The following LMAN1 variants were observed in gnomAD, a reference collection of about 807,000 sequenced individuals.
The protein encoded by LMAN1 is protein ERGIC-53.
Under a neutral mutation model 67.8 loss-of-function variants are expected in LMAN1, and 32 were observed. That is an observed-to-expected ratio of 0.47 (90% CI 0.36 to 0.63). The LOEUF (loss-of-function observed/expected upper bound fraction) is 0.63, where lower values mean the gene tolerates loss of function less well. Among genes scored for constraint, LMAN1 ranks in the 30% least tolerant of loss-of-function variants. The probability of loss-of-function intolerance (pLI) is 0.00; values close to 1 mark genes in which losing one functional copy is unlikely to be tolerated. For missense variants in LMAN1, 632 were observed against 628.2 expected (o/e 1.01, Z -0.06); for synonymous variants, 235 against 219.3 (o/e 1.07, Z -0.63).
At chr18:59,331,227 A>G in intron 12 of LMAN1, 98 bp from the exon 13 acceptor site, 1 of 1,123,890 alleles carries the variant, frequency 8.9e-7, no homozygotes, top group South Asian at 1.3e-5. Flanking sequence ...TGCCTTTTGA[A>G]GTATACAACG....
chr18:59,333,346 T>G, intron 10 of LMAN1, 102 bp from the exon 11 acceptor site: 2 of 808,404 alleles, frequency 2.5e-6, no homozygotes, highest in Non-Finnish European at 3.9e-6. Context: ...ATATATTACA[T>G]CATTTAAAAA....
At chr18:59,337,581 G>A (rs934005320) in intron 10 of LMAN1, among the ~76,000 whole-genome samples, 3 of 152,058 alleles carry the variant, frequency 2.0e-5, no homozygotes, top group East Asian at 1.9e-4. Flanking sequence ...AAATTAGATC[G>A]AAATAAAAAG....
intron 7 of LMAN1, among the ~76,000 whole-genome samples, chr18:59,346,952 C>G (rs375146159): frequency 6.6e-6 from 1 of 151,616 alleles, no homozygotes; most frequent in South Asian, 2.1e-4. Flanking sequence ...GAAGCGTGGC[C>G]GAGCGTGGTG....
In LMAN1 at chr18:59,338,792, T is replaced by C; in HGVS notation, c.1117A>G (p.Arg373Gly). The change falls in exon 9 of 13, where the codon AGA becomes GGA. Residue 373 changes from arginine (R) to glycine (G), a missense_variant. By Grantham distance (125) the Arg-to-Gly change is moderately radical. Coordinates refer to ENST00000251047, the MANE Select transcript of LMAN1 (RefSeq NM_005570.4). Reference protein sequence around the residue: ...VSSLTEEISKRGAGMPGQHGQ... With the variant: ...VSSLTEEISKGGAGMPGQHGQ... ...TGCTGCCCAGGCATTCCTGCTCCTCTTTTAGAGATTTCCTCTGTTAAGGAA... is the reference window on the plus strand; with the variant it reads ...TGCTGCCCAGGCATTCCTGCTCCTCCTTTAGAGATTTCCTCTGTTAAGGAA... The C allele has an allele frequency of 1.2e-6, 2 of 1,614,114 alleles. No homozygotes were observed. Among genetic ancestry groups the C allele is most frequent in the Non-Finnish European group, 1.7e-6 (2 of 1,180,008 alleles).
In LMAN1 at chr18:59,355,336, CA is replaced by C. The variant is rs1568118597; in HGVS notation, c.453del (p.Phe151LeufsTer15). On this transcript the variant is annotated frameshift_variant, in exon 3 of 13. Transcript: ENST00000251047. LOFTEE classifies it high-confidence loss of function. ...ADLWNGVGIF[F>X]DSFDNDGKKN... is the part of the protein sequence containing the mutation. ...ACCTTTCCATCATTGTCAAAAGAAT[CA>C]AAAAATATTCCAACACCATTCCACA... 6.2e-7 allele frequency: 1 copy of C among 1,613,360 alleles called. No homozygotes were observed. The highest frequency in any genetic ancestry group is 2.2e-5 in the East Asian group (1 of 44,862).
At chr18:59,337,488 A>T (rs1303378799) in intron 10 of LMAN1, among the ~76,000 whole-genome samples, 2 of 152,196 alleles carry the variant, frequency 1.3e-5, no homozygotes, top group East Asian at 3.8e-4. Context: ...CTGACAATTA[A>T]ACCATGGTTA....
At position 59,347,527 on chromosome 18, in the gene LMAN1, G is replaced by C. The variant is rs746587316; in HGVS notation, c.808C>G (p.Pro270Ala). The change falls in exon 7 of 13, where the codon CCT becomes GCT. Residue 270 changes from proline (P) to alanine (A), a missense_variant. Coordinates refer to ENST00000251047, the MANE Select transcript of LMAN1 (RefSeq NM_005570.4). ...LSFLTFQLTE[P>A]GKEPPTPDKE... ...TGTAAAATTACCGGCTCTTTTCCAG[G>C]TTCAGTCAACTGGAAAGTCAGAAAA... 2.5e-6 allele frequency: 4 copies of C among 1,609,416 alleles called. No homozygotes were observed. In the South Asian group the frequency reaches 4.4e-5, roughly 18 times the overall value.
intron 4 of LMAN1, among the ~76,000 whole-genome samples, chr18:59,354,060 G>A (rs1268347877): frequency 1.3e-5 from 2 of 152,200 alleles, no homozygotes; most frequent in South Asian, 4.1e-4. Flanking sequence ...AATACAGAGG[G>A]TTGACTGTAC....
In LMAN1 at chr18:59,330,978, GTTAT is replaced by G. The variant is rs974121563; in HGVS notation, c.*111_*114del. 2.1e-4 allele frequency: 158 copies of G among 736,052 alleles called. No individual in the cohort carries two copies. The African/African-American group carries it at 2.4e-3, about 11-fold the overall frequency. 45.6% of individuals were successfully genotyped at this position (736,052 alleles called of 1,614,324 possible). A position where few individuals can be genotyped will look rare whatever the true frequency, so the allele number is the denominator to read the frequency against. ...TTAACTGCAAATCAATGTTTAAACA[GTTAT>G]TTTATTAAGAAAATTAATAATTTAG... is the stretch of plus-strand genomic sequence containing the variant. On this transcript the variant is annotated 3_prime_UTR_variant, in exon 13 of 13. Transcript: ENST00000251047.
At position 59,329,931 on chromosome 18, in the gene LMAN1, T is replaced by C. The variant is rs1421722474; in HGVS notation, c.*1162A>G. On this transcript the variant is annotated 3_prime_UTR_variant, in exon 13 of 13. Transcript: ENST00000251047. ...TAAATTTGCATCTTAAAATGTCATT[T>C]ACAGACTGTTTCTGTAATACCTAGA... 1 of 152,212 alleles carries C rather than the reference T, an allele frequency of 6.6e-6. No homozygotes were observed. The highest frequency in any genetic ancestry group is 1.5e-5 in the Non-Finnish European group (1 of 68,012). The allele number at this position is 152,212 out of a possible 1,614,324, so 9.4% of individuals were successfully genotyped here. A position where few individuals can be genotyped will look rare whatever the true frequency, so the allele number is the denominator to read the frequency against.
At chr18:59,349,431 G>GT (rs1037501685) in intron 5 of LMAN1, among the ~76,000 whole-genome samples, 195 bp from the exon 6 acceptor site, 9 of 152,066 alleles carry the variant, frequency 5.9e-5, no homozygotes, top group South Asian at 2.1e-4. Flanking sequence ...TGTGTCAAAA[G>GT]TTTAAAGAGA....
chr18:59,344,954 C>A (rs1184551685), intron 8 of LMAN1, among the ~76,000 whole-genome samples: 1 of 152,108 alleles, frequency 6.6e-6, no homozygotes, highest in Admixed American at 6.5e-5. Flanking sequence ...CATGAGGGAA[C>A]TTTCTGGGAT....
intron 8 of LMAN1, among the ~76,000 whole-genome samples, chr18:59,344,357 C>A (rs1175401719): frequency 1.3e-5 from 2 of 151,908 alleles, no homozygotes; most frequent in East Asian, 1.9e-4. Context: ...TTATTGCAGC[C>A]CTATTTACAA....
chr18:59,335,090 CA>C (rs1465574707), intron 10 of LMAN1, among the ~76,000 whole-genome samples: 4 of 152,050 alleles, frequency 2.6e-5, no homozygotes, highest in Non-Finnish European at 2.9e-5. Flanking sequence ...ATGCAAAGCA[CA>C]AAAGAGTATC....
In LMAN1 at chr18:59,328,208, C is replaced by G. The variant is rs1015764557; in HGVS notation, c.*2885G>C. ...GCAGTGAGGCAGGCAATCCCTTGTT[C>G]AAGTCATTTCTGTTTTCCCTAAGTT... is the stretch of plus-strand genomic sequence containing the variant. On this transcript the variant is annotated 3_prime_UTR_variant, in exon 13 of 13. Transcript: ENST00000251047. The G allele has an allele frequency of 6.6e-6, 1 of 152,124 alleles. No homozygotes were observed. Among genetic ancestry groups the G allele is most frequent in the Non-Finnish European group, 1.5e-5 (1 of 68,034 alleles). The allele number at this position is 152,124 out of a possible 1,614,324, so 9.4% of individuals were successfully genotyped here.
Position 59,333,895 on chromosome 18 carries a change from T to C in LMAN1, c.1221-651A>G, listed in dbSNP as rs114800591. The stretch of plus-strand genomic sequence containing the variant: ...CAAATTACTTAAAAATAACACTATA[T>C]GTCAGACAGAATGTTAAGTATAACA... On this transcript the variant is annotated intron_variant, in intron 10 of 12. Transcript: ENST00000251047. Among the ~76,000 whole-genome samples the C allele has an allele frequency of 1.7e-3, 258 of 151,494 alleles. 1 individual carries two copies. Among genetic ancestry groups the C allele is most frequent in the African/African-American group, 6.2e-3 (255 of 41,332 alleles).
chr18:59,347,739 G>C (rs1343768739), intron 6 of LMAN1, among the ~76,000 whole-genome samples, 168 bp from the exon 7 acceptor site: 1 of 152,210 alleles, frequency 6.6e-6, no homozygotes, highest in African/African-American at 2.4e-5. Context: ...TGAGCTTAGA[G>C]ACCAAAATTC....
chr18:59,358,190 T>A (rs568139282), intron 1 of LMAN1, among the ~76,000 whole-genome samples: 1 of 152,362 alleles, frequency 6.6e-6, no homozygotes, highest in South Asian at 2.1e-4. Flanking sequence ...GTAAATGCTC[T>A]AGCAAGGCTC....
At chr18:59,348,326 G>A (rs1053932259) in intron 6 of LMAN1, among the ~76,000 whole-genome samples, 2 of 152,222 alleles carry the variant, frequency 1.3e-5, no homozygotes, top group Admixed American at 1.3e-4. Flanking sequence ...ATACTGTAGT[G>A]TAGACTAAGT....
Sources: allele counts gnomAD v4.1 joint callset (sites outside exome capture counted in the v4.1 genomes callset), GRCh38; gene constraint gnomAD v4.1.1; transcripts MANE v1.5; gene names NCBI Gene and HGNC (gene_info 2026-07-23, HGNC 2026-07-21).